RBMS3: variants seen among roughly 807,000 people sequenced by gnomAD.
RBMS3 encodes the protein RNA binding motif single stranded interacting protein 3.
RBMS3 carries 27 observed loss-of-function variants against 66.8 expected under a neutral mutation model. That is an observed-to-expected ratio of 0.40 (90% CI 0.30 to 0.56). The LOEUF (loss-of-function observed/expected upper bound fraction) is 0.56. RBMS3 is among the 20% of genes least tolerant of loss of function. The probability of loss-of-function intolerance (pLI) is 0.40; values close to 1 mark genes in which losing one functional copy is unlikely to be tolerated. For synonymous variants in RBMS3, 188 were observed against 183.0 expected, an observed-to-expected ratio of 1.03 and a Z score of -0.22; for missense variants, 513 against 549.5, an observed-to-expected ratio of 0.93 and a Z score of 0.66.
At chr3:29,483,811 G>T (rs991664162) in intron 2 of RBMS3, among the ~76,000 whole-genome samples, 4 of 152,054 alleles carry the variant, frequency 2.6e-5, no homozygotes, top group African/African-American at 9.7e-5. Flanking sequence ...CCTCTTCTAG[G>T]AACTTTTCTC....
At chr3:29,498,569 C>G (rs2043848052) in intron 3 of RBMS3, among the ~76,000 whole-genome samples, 1 of 152,100 alleles carries the variant, frequency 6.6e-6, no homozygotes, top group Admixed American at 6.5e-5. Flanking sequence ...CAAAAATTTT[C>G]TAATTGAAGT....
chr3:29,602,797 T>C (rs964103759), intron 4 of RBMS3, among the ~76,000 whole-genome samples: 1 of 152,012 alleles, frequency 6.6e-6, no homozygotes, highest in Admixed American at 6.6e-5. Context: ...TTAATTTTGT[T>C]AGGGACAGTG....
intron 1 of RBMS3, among the ~76,000 whole-genome samples, chr3:29,388,911 A>G (rs566815546): frequency 2.6e-5 from 4 of 152,300 alleles, no homozygotes; most frequent in African/African-American, 9.6e-5. Context: ...TTACAGAAAG[A>G]GCTTGCAGAC....
chr3:29,408,613 T>C (rs2040130084), intron 1 of RBMS3, among the ~76,000 whole-genome samples: 1 of 152,198 alleles, frequency 6.6e-6, no homozygotes, highest in Non-Finnish European at 1.5e-5. Context: ...CTTCTGACTC[T>C]CTAATGTCAT....
chr3:29,379,260 A>C (rs1008412394), intron 1 of RBMS3, among the ~76,000 whole-genome samples: 9 of 152,318 alleles, frequency 5.9e-5, no homozygotes, highest in Admixed American at 2.0e-4. Flanking sequence ...CTTTCACCTA[A>C]GAGTTCTGAT....
chr3:29,352,314 C>CT (rs1342102727), intron 1 of RBMS3, among the ~76,000 whole-genome samples: 2 of 151,896 alleles, frequency 1.3e-5, no homozygotes, highest in African/African-American at 4.8e-5. Context: ...ATTTTGGCTT[C>CT]TTTATACATT....
intron 6 of RBMS3, among the ~76,000 whole-genome samples, chr3:29,867,086 C>G (rs1481126122): frequency 1.3e-5 from 2 of 152,032 alleles, no homozygotes; most frequent in Non-Finnish European, 2.9e-5. Flanking sequence ...AATATGACTC[C>G]CCCTTAGAGC....
intron 1 of RBMS3, among the ~76,000 whole-genome samples, chr3:29,416,151 A>G (rs1034296166): frequency 1.6e-4 from 25 of 152,124 alleles, no homozygotes; most frequent in African/African-American, 6.0e-4. Flanking sequence ...ACATCTGAAA[A>G]TGGAAGATCA....
At chr3:29,380,592 C>G (rs1387387036) in intron 1 of RBMS3, among the ~76,000 whole-genome samples, 1 of 152,122 alleles carries the variant, frequency 6.6e-6, no homozygotes, top group Non-Finnish European at 1.5e-5. Context: ...GATAACGAAA[C>G]TGAGTCATAG....
intron 4 of RBMS3, among the ~76,000 whole-genome samples, chr3:29,636,799 G>C (rs904178253): frequency 6.6e-6 from 1 of 151,880 alleles, no homozygotes. Flanking sequence ...TTCCAAATAG[G>C]TATATGGTGC....
chr3:29,472,675 C>A (rs957565500), intron 2 of RBMS3, among the ~76,000 whole-genome samples: 1 of 151,902 alleles, frequency 6.6e-6, no homozygotes, highest in South Asian at 2.1e-4. Flanking sequence ...TAAGGCGGCG[C>A]GTCTGGAGTT....
chr3:29,934,441 A>G (rs189195696), intron 10 of RBMS3, among the ~76,000 whole-genome samples: 35 of 152,218 alleles, frequency 2.3e-4, no homozygotes, highest in African/African-American at 7.9e-4. Context: ...AATACCTGAA[A>G]TGAAGGCCAG....
chr3:29,784,712 C>T (rs2056759859), intron 6 of RBMS3, among the ~76,000 whole-genome samples: 1 of 151,458 alleles, frequency 6.6e-6, no homozygotes, highest in African/African-American at 2.4e-5. Context: ...GAATTTGAAA[C>T]AAAAAATATA....
intron 4 of RBMS3, among the ~76,000 whole-genome samples, chr3:29,620,152 A>G (rs1241728915): frequency 6.6e-6 from 1 of 152,182 alleles, no homozygotes; most frequent in Non-Finnish European, 1.5e-5. Flanking sequence ...ATTAAAGGCA[A>G]GAATAAATTT....
At chr3:29,817,329 G>C (rs960644425) in intron 6 of RBMS3, among the ~76,000 whole-genome samples, 1 of 151,528 alleles carries the variant, frequency 6.6e-6, no homozygotes, top group Non-Finnish European at 1.5e-5. Context: ...TCAGTGTCCC[G>C]AGTAACTGGG....
intron 6 of RBMS3, among the ~76,000 whole-genome samples, chr3:29,823,583 C>T (rs1020766987): frequency 2.0e-5 from 3 of 152,082 alleles, no homozygotes; most frequent in African/African-American, 7.2e-5. Flanking sequence ...TAATATGTAC[C>T]ACCAAATATG....
intron 6 of RBMS3, among the ~76,000 whole-genome samples, chr3:29,768,996 G>A (rs2056062437): frequency 6.6e-6 from 1 of 151,824 alleles, no homozygotes; most frequent in African/African-American, 2.4e-5. Flanking sequence ...TAAAACCTTT[G>A]GCTATAAAGG....
intron 3 of RBMS3, among the ~76,000 whole-genome samples, chr3:29,553,549 CT>C (rs1304594917): frequency 1.3e-5 from 2 of 152,048 alleles, no homozygotes; most frequent in Non-Finnish European, 2.9e-5. Context: ...CCAGGTGGCT[CT>C]TTTGGGCTGA....
chr3:29,743,653 TA>T (rs1364669969), intron 5 of RBMS3, among the ~76,000 whole-genome samples: 2 of 152,108 alleles, frequency 1.3e-5, no homozygotes, highest in Non-Finnish European at 2.9e-5. Context: ...AATGATCTGT[TA>T]AAACTCTGAT....
Sources: gnomAD v4.1 joint callset for allele counts (sites outside exome capture counted in the v4.1 genomes callset) on GRCh38, gnomAD v4.1.1 for gene constraint, MANE v1.5 for transcripts, NCBI Gene and HGNC (gene_info 2026-07-23, HGNC 2026-07-21) for gene names.